The following FAXC variants were observed in gnomAD, a reference collection of about 807,000 sequenced individuals.
FAXC encodes the protein failed axon connections homolog, metaxin like GST domain containing.
A neutral mutation model predicts 41.9 loss-of-function variants in FAXC; 10 were observed. The observed-to-expected ratio is 0.24, with a 90% confidence interval of 0.15 to 0.41. The LOEUF (loss-of-function observed/expected upper bound fraction) is 0.41. Among genes scored for constraint, FAXC ranks in the 10% least tolerant of loss-of-function variants. FAXC has a pLI of 1.00. For missense variants in FAXC, 399 were observed against 510.9 expected (o/e 0.78, Z 2.11); for synonymous variants, 183 against 183.8 (o/e 1.00, Z 0.03).
chr6:99,324,717 G>A (rs1195849416), intron 3 of FAXC, among the ~76,000 whole-genome samples: 1 of 152,140 alleles, frequency 6.6e-6, no homozygotes, highest in Non-Finnish European at 1.5e-5. Flanking sequence ...GGCTAATAGT[G>A]CTGGTAGATA....
intron 4 of FAXC, among the ~76,000 whole-genome samples, chr6:99,302,002 A>G (rs1283913020): frequency 1.3e-5 from 2 of 152,214 alleles, no homozygotes; most frequent in African/African-American, 4.8e-5. Flanking sequence ...GGGTCAAGAA[A>G]CCAGATAGCC....
At chr6:99,293,700 G>GTC (rs1195551348) in intron 4 of FAXC, among the ~76,000 whole-genome samples, 1 of 134,540 alleles carries the variant, frequency 7.4e-6, no homozygotes, top group Non-Finnish European at 1.6e-5. Flanking sequence ...GTGTGTGTGT[G>GTC]TGTGTGTGTG....
Position 99,333,417 on chromosome 6 carries a change from T to C in FAXC, c.533A>G (p.Asn178Ser). 1 of 1,614,122 alleles carries C rather than the reference T, an allele frequency of 6.2e-7. No homozygotes were observed. The highest frequency in any genetic ancestry group is 8.5e-7 in the Non-Finnish European group (1 of 1,179,994). ...GATGGCTCTTTCATGAGGGCCAAGGTTTTTGTTTAAATTCACTCCAAGCTT... is the reference window on the plus strand; with the variant it reads ...GATGGCTCTTTCATGAGGGCCAAGGCTTTTGTTTAAATTCACTCCAAGCTT... ...EEKLGVNLNK[N>S]LGPHERAISR... is the part of the protein sequence containing the mutation. The change falls in exon 3 of 6, where the codon AAC becomes AGC. Residue 178 changes from asparagine (N) to serine (S), a missense_variant. Around this residue, in one of 3 missense-constraint regions of FAXC, gnomAD observed 239 missense variants for 352.7 expected, o/e 0.68. Coordinates refer to ENST00000389677, the MANE Select transcript of FAXC (RefSeq NM_032511.4).
At chr6:99,335,443 C>A (rs1410385847) in intron 2 of FAXC, among the ~76,000 whole-genome samples, 1 of 152,206 alleles carries the variant, frequency 6.6e-6, no homozygotes, top group Non-Finnish European at 1.5e-5. Context: ...ACAGCCTATG[C>A]CCCTTCCTTA....
At chr6:99,292,061 T>C (rs1771269234) in intron 4 of FAXC, among the ~76,000 whole-genome samples, 2 of 151,856 alleles carry the variant, frequency 1.3e-5, no homozygotes, top group African/African-American at 4.8e-5. Flanking sequence ...AATAAGCAGA[T>C]GAGGAAGGGC....
At chr6:99,302,519 G>T (rs1316718417) in intron 4 of FAXC, among the ~76,000 whole-genome samples, 1 of 152,134 alleles carries the variant, frequency 6.6e-6, no homozygotes, top group Non-Finnish European at 1.5e-5. Flanking sequence ...AGCTGGGCGT[G>T]GTGGCGCATG....
At position 99,276,555 on chromosome 6, in the gene FAXC, TTTCTG is replaced by T. The variant is rs1770631156; in HGVS notation, c.*4604_*4608del. 1 of 152,246 alleles carries T rather than the reference TTTCTG, an allele frequency of 6.6e-6. No individual in the cohort carries two copies. The highest frequency in any genetic ancestry group is 1.5e-5 in the Non-Finnish European group (1 of 68,042). The allele number at this position is 152,246 out of a possible 1,614,324, so 9.4% of individuals were successfully genotyped here. A position where few individuals can be genotyped will look rare whatever the true frequency, so the allele number is the denominator to read the frequency against. The stretch of plus-strand genomic sequence containing the variant: ...TAACCTAAGAGCACTTCTTTCTTCT[TTTCTG>T]TCACTCAAGACATACTGAACATGGA... On this transcript the variant is annotated 3_prime_UTR_variant, in exon 6 of 6. Coordinates refer to ENST00000389677, the MANE Select transcript of FAXC (RefSeq NM_032511.4).
At chr6:99,288,846 C>T (rs9389198) in intron 5 of FAXC, among the ~76,000 whole-genome samples, 25,213 of 70,998 alleles carry the variant, frequency 0.36, 2,339 homozygotes, top group African/African-American at 0.44. Context: ...GCACATGAAT[C>T]GACACACACA....
intron 4 of FAXC, among the ~76,000 whole-genome samples, chr6:99,294,643 G>A (rs957203565): frequency 2.6e-5 from 4 of 152,156 alleles, no homozygotes; most frequent in African/African-American, 9.7e-5. Flanking sequence ...GGGGGAGAAA[G>A]AAAATGTTGC....
At chr6:99,315,259 A>AC (rs1772307161) in intron 4 of FAXC, among the ~76,000 whole-genome samples, 1 of 104,482 alleles carries the variant, frequency 9.6e-6, no homozygotes. Context: ...AAAAAAAAAA[A>AC]AAACCAGTAA....
chr6:99,338,499 C>T (rs547908198), intron 2 of FAXC, among the ~76,000 whole-genome samples: 3 of 152,298 alleles, frequency 2.0e-5, no homozygotes, highest in South Asian at 2.1e-4. Flanking sequence ...CCACCACAAA[C>T]GACAGGATTA....
At chr6:99,293,665 AGTGT>A (rs55827992) in intron 4 of FAXC, among the ~76,000 whole-genome samples, 5,540 of 123,116 alleles carry the variant, frequency 0.045, 159 homozygotes, top group Admixed American at 0.12. Flanking sequence ...CTCTATACAC[AGTGT>A]GTGTGTGTGT....
At chr6:99,312,924 A>T (rs1772202270) in intron 4 of FAXC, among the ~76,000 whole-genome samples, 1 of 152,206 alleles carries the variant, frequency 6.6e-6, no homozygotes, top group Non-Finnish European at 1.5e-5. Flanking sequence ...TATTTAAAAA[A>T]CAAAACAAAA....
At chr6:99,344,663 A>G (rs1773534279) in intron 1 of FAXC, among the ~76,000 whole-genome samples, 1 of 152,252 alleles carries the variant, frequency 6.6e-6, no homozygotes, top group Middle Eastern at 3.2e-3. Flanking sequence ...GGAATGTTCG[A>G]GAAGTCAGGT....
chr6:99,300,009 CCTTT>C (rs1044670650), intron 4 of FAXC, among the ~76,000 whole-genome samples: 2 of 152,068 alleles, frequency 1.3e-5, no homozygotes, highest in Non-Finnish European at 2.9e-5. Flanking sequence ...ACTAGATACT[CCTTT>C]AATTTTTAAT....
chr6:99,313,285 C>T (rs545309449), intron 4 of FAXC, among the ~76,000 whole-genome samples: 1 of 152,266 alleles, frequency 6.6e-6, no homozygotes, highest in South Asian at 2.1e-4. Context: ...AGAGTGAGAC[C>T]TTGTCTCAAC....
At position 99,279,478 on chromosome 6, in the gene FAXC, A is replaced by T. The variant is rs1487763021; in HGVS notation, c.*1686T>A. 20 of 148,368 alleles carry T rather than the reference A, an allele frequency of 1.3e-4. No individual in the cohort carries two copies. Among genetic ancestry groups the T allele is most frequent in the Admixed American group, 1.2e-3 (18 of 14,962 alleles). The allele number at this position is 148,368 out of a possible 1,614,324, so 9.2% of individuals were successfully genotyped here. On this transcript the variant is annotated 3_prime_UTR_variant, in exon 6 of 6. Coordinates refer to ENST00000389677, the MANE Select transcript of FAXC (RefSeq NM_032511.4). ...TCAAAAAGAGGTTTTTTTTTTTTCA[A>T]GTAAAGTGCATGGATTTCTCAGAAG...
Position 99,273,771 on chromosome 6 carries a change from T to G in FAXC, c.*7393A>C, listed in dbSNP as rs963629198. The G allele has an allele frequency of 6.6e-6, 1 of 152,074 alleles. No individual in the cohort carries two copies. Among genetic ancestry groups the G allele is most frequent in the Admixed American group, 6.6e-5 (1 of 15,250 alleles). The allele number at this position is 152,074 out of a possible 1,614,324, so 9.4% of individuals were successfully genotyped here. ...CTACGCCTAAAGACTCCTTGTCCCA[T>G]TCTCTAAACTCCATTGAGGACCAGA... is the stretch of plus-strand genomic sequence containing the variant. On this transcript the variant is annotated 3_prime_UTR_variant, in exon 6 of 6. Transcript: ENST00000389677.
rs771818164 is a variant in FAXC, at chr6:99,281,222, G to A, written c.1172C>T (p.Ser391Leu). Residue 391 changes from serine to leucine, a missense_variant, in exon 6 of 6, where the codon TCA (serine) becomes TTA (leucine). By Grantham distance (145) the Ser-to-Leu change is moderately radical (BLOSUM62 -2). This residue lies in a region of FAXC where 92 missense variants were observed against 94.9 expected (regional missense o/e 0.97). Transcript: ENST00000389677. ...RTPDTDFTGH[S>L]LFDSDVDMDD... is the part of the protein sequence containing the mutation. ...CATGTCCACATCCGAATCAAAGAGTGAGTGTCCAGTAAAATCTGTGTCTGG... is the reference window on the plus strand; with the variant it reads ...CATGTCCACATCCGAATCAAAGAGTAAGTGTCCAGTAAAATCTGTGTCTGG... 2 of 1,602,162 alleles carry A rather than the reference G, an allele frequency of 1.2e-6. No homozygotes were observed. The highest frequency in any genetic ancestry group is 4.5e-5 in the East Asian group (2 of 44,806).
Sources: gnomAD v4.1 joint callset for allele counts (sites outside exome capture counted in the v4.1 genomes callset) on GRCh38, gnomAD v4.1.1 for gene constraint, gnomAD v4.1.1 regional missense constraint, MANE v1.5 for transcripts, NCBI Gene and HGNC (gene_info 2026-07-23, HGNC 2026-07-21) for gene names.